The following RNF138 variants were observed in gnomAD, a reference collection of about 807,000 sequenced individuals.
The protein encoded by RNF138 is ring finger protein 138.
RNF138 carries 12 observed loss-of-function variants against 31.0 expected under a neutral mutation model. The observed-to-expected ratio is 0.39, with a 90% CI of 0.25 to 0.63. RNF138 has a LOEUF of 0.63. Ranked by LOEUF, RNF138 falls within the 20% of genes least tolerant of loss-of-function variation. The pLI is 0.52. For synonymous variants in RNF138, 105 were observed against 99.5 expected (o/e 1.06, Z -0.33); for missense variants, 192 against 300.1 (o/e 0.64, Z 2.66).
At chr18:32,127,163 G>A (rs1405327975) in intron 7 of RNF138, among the ~76,000 whole-genome samples, 1 of 152,146 alleles carries the variant, frequency 6.6e-6, no homozygotes, top group Non-Finnish European at 1.5e-5. Context: ...AGTATAAGTT[G>A]CTTGTATTAT....
At chr18:32,099,406 A>G (rs36019706) in intron 2 of RNF138, among the ~76,000 whole-genome samples, 9,397 of 152,018 alleles carry the variant, frequency 0.062, 516 homozygotes, top group African/African-American at 0.15. Flanking sequence ...GAATATCTCT[A>G]TTTTATTTTA....
At chr18:32,128,482 G>C (rs548091050) in intron 7 of RNF138, among the ~76,000 whole-genome samples, 1 of 152,238 alleles carries the variant, frequency 6.6e-6, no homozygotes, top group East Asian at 1.9e-4. Flanking sequence ...AGGTTGCAGT[G>C]AGCCAAGATT....
intron 4 of RNF138, among the ~76,000 whole-genome samples, chr18:32,121,469 G>A (rs2040304892): frequency 6.6e-6 from 1 of 152,060 alleles, no homozygotes; most frequent in South Asian, 2.1e-4. Flanking sequence ...CATTCCAGCC[G>A]GGGCAATAAG....
In RNF138 at chr18:32,092,637, GC is replaced by G; in HGVS notation, c.-77-58del. 4.7e-6 allele frequency: 3 copies of G among 639,672 alleles called. 1 individual carries two copies. In the South Asian group the frequency reaches 5.0e-5, roughly 11 times the overall value. 39.6% of individuals were successfully genotyped at this position (639,672 alleles called of 1,614,324 possible). On this transcript the variant is annotated intron_variant, in intron 1 of 7. Transcript: ENST00000261593. ...TCGGCCCCGCCCTACCCAGGGCCCC[GC>G]CCCCTTCCTGGCGCGCGCTGTATCC... is the stretch of plus-strand genomic sequence containing the variant.
At chr18:32,092,909 T>A in intron 2 of RNF138, 23 bp downstream of exon 2, 1 of 1,398,286 alleles carries the variant, frequency 7.2e-7, no homozygotes, top group Non-Finnish European at 9.7e-7. Flanking sequence ...CCCCTCCCCC[T>A]CGCGGAGCCG....
intron 1 of RNF138, 156 bp from the exon 2 acceptor site, chr18:32,092,544 C>T: frequency 3.8e-6 from 2 of 524,846 alleles, no homozygotes; most frequent in Admixed American, 3.5e-5. Flanking sequence ...CCCATCCAGC[C>T]CCCTGTGGGA....
rs1214172522 is a variant in RNF138, at chr18:32,126,833, G to A, written c.669+33G>A. 4.0e-6 allele frequency: 5 copies of A among 1,250,268 alleles called. No individual in the cohort carries two copies. The African/African-American group carries it at 4.5e-5, about 11-fold the overall frequency. 77.4% of individuals were successfully genotyped at this position (1,250,268 alleles called of 1,614,324 possible). On this transcript the variant is annotated intron_variant, in intron 7 of 7. Transcript: ENST00000261593. ...AATTCTTCAAGATTAAGAAAGTACT[G>A]TTTAAATATTAAAGTTAAAATAACT...
chr18:32,097,614 G>A (rs1380641901), intron 2 of RNF138, among the ~76,000 whole-genome samples: 1 of 152,116 alleles, frequency 6.6e-6, no homozygotes, highest in African/African-American at 2.4e-5. Flanking sequence ...CTCCTGAGTA[G>A]CTGGGACTAC....
At chr18:32,118,925 T>C (rs1364902084) in intron 4 of RNF138, among the ~76,000 whole-genome samples, 1 of 152,252 alleles carries the variant, frequency 6.6e-6, no homozygotes, top group African/African-American at 2.4e-5. Flanking sequence ...ATGGTGTCTT[T>C]TGACATAGAA....
intron 2 of RNF138, among the ~76,000 whole-genome samples, chr18:32,107,324 G>T (rs926892581): frequency 7.3e-5 from 9 of 123,916 alleles, no homozygotes; most frequent in African/African-American, 2.5e-4. Context: ...GCATTCCACT[G>T]TGTTGCCCAG....
At chr18:32,093,460 G>A (rs1374671713) in intron 2 of RNF138, among the ~76,000 whole-genome samples, 4 of 152,166 alleles carry the variant, frequency 2.6e-5, no homozygotes, top group Admixed American at 2.6e-4. Context: ...ACCCTCGAGA[G>A]CGTTTTGTTT....
chr18:32,097,928 A>G (rs796648781), intron 2 of RNF138, among the ~76,000 whole-genome samples: 12 of 146,716 alleles, frequency 8.2e-5, no homozygotes, highest in African/African-American at 2.0e-4. Flanking sequence ...GTGTGTGTGT[A>G]TATGTGTATG....
At chr18:32,114,604 C>CT (rs200603930) in intron 4 of RNF138, among the ~76,000 whole-genome samples, 1,977 of 152,162 alleles carry the variant, frequency 0.013, 29 homozygotes, top group Non-Finnish European at 0.017. Flanking sequence ...CTTTGATTTT[C>CT]TTTATGTATC....
At chr18:32,092,501 G>T (rs1393338235) in intron 1 of RNF138, 199 bp from the exon 2 acceptor site, 3 of 431,746 alleles carry the variant, frequency 6.9e-6, no homozygotes, top group Non-Finnish European at 1.3e-5. Flanking sequence ...CCCACGGCAT[G>T]CTGCGAGCCC....
At chr18:32,124,909 C>A in intron 6 of RNF138, 64 bp downstream of exon 6, 1 of 814,298 alleles carries the variant, frequency 1.2e-6, no homozygotes, top group Non-Finnish European at 2.1e-6. Flanking sequence ...ATTTATTTCA[C>A]TTCATGTATG....
intron 7 of RNF138, 101 bp downstream of exon 7, chr18:32,126,901 TACTG>T: frequency 1.5e-6 from 1 of 683,250 alleles, no homozygotes; most frequent in East Asian, 2.7e-5. Flanking sequence ...TGTTGTATCT[TACTG>T]GATGGATTTA....
chr18:32,103,745 C>T (rs900600907), intron 2 of RNF138, among the ~76,000 whole-genome samples: 4 of 151,922 alleles, frequency 2.6e-5, no homozygotes, highest in Non-Finnish European at 4.4e-5. Flanking sequence ...GGGTGGATCA[C>T]GAGGTCAGGA....
chr18:32,098,520 A>T (rs1010319862), intron 2 of RNF138, among the ~76,000 whole-genome samples: 3 of 149,498 alleles, frequency 2.0e-5, no homozygotes, highest in African/African-American at 7.4e-5. Context: ...CTTTAAAATA[A>T]TTTTCTTCTT....
At chr18:32,125,396 G>C (rs1378741142) in intron 6 of RNF138, among the ~76,000 whole-genome samples, 2 of 152,166 alleles carry the variant, frequency 1.3e-5, no homozygotes, top group Non-Finnish European at 2.9e-5. Flanking sequence ...GATAATGAGG[G>C]AGATAGAGCA....
Sources: gnomAD v4.1 joint callset for allele counts (sites outside exome capture counted in the v4.1 genomes callset) on GRCh38, gnomAD v4.1.1 for gene constraint, MANE v1.5 for transcripts, NCBI Gene and HGNC (gene_info 2026-07-23, HGNC 2026-07-21) for gene names.